Variants in AUTS2 observed in about 807,000 individuals in gnomAD.
The protein encoded by AUTS2 is autism susceptibility gene 2 protein.
A neutral mutation model predicts 112.4 loss-of-function variants in AUTS2; 17 were observed. That is an observed-to-expected ratio of 0.15 (90% confidence interval 0.10 to 0.23). The LOEUF (loss-of-function observed/expected upper bound fraction) is 0.23. Among genes scored for constraint, AUTS2 ranks in the 10% least tolerant of loss-of-function variants. The pLI is 1.00. For missense variants in AUTS2, 1,510 were observed against 1,701.6 expected, an observed-to-expected ratio of 0.89 and a Z score of 1.98; for synonymous variants, 751 against 702.7, an observed-to-expected ratio of 1.07 and a Z score of -1.09.
At chr7:70,227,671 C>G (rs1198642202) in intron 4 of AUTS2, among the ~76,000 whole-genome samples, 1 of 152,026 alleles carries the variant, frequency 6.6e-6, no homozygotes, top group African/African-American at 2.4e-5. Context: ...ATCTTCTGAT[C>G]GCTCATGTGA....
At chr7:69,789,934 A>C (rs1469687026) in intron 1 of AUTS2, among the ~76,000 whole-genome samples, 4 of 151,470 alleles carry the variant, frequency 2.6e-5, no homozygotes, top group African/African-American at 7.2e-5. Flanking sequence ...TTGCTTAAAT[A>C]AATATCTTTT....
At position 69,946,799 on chromosome 7, in the gene AUTS2, A is replaced by T. The variant is rs141035698; in HGVS notation, c.522+47301A>T. Among the ~76,000 whole-genome samples the T allele has an allele frequency of 2.1e-3, 321 of 152,344 alleles. 2 individuals carry two copies. The highest frequency in any genetic ancestry group is 7.4e-3 in the African/African-American group (306 of 41,578). On this transcript the variant is annotated intron_variant, in intron 2 of 18. Coordinates refer to ENST00000342771, the MANE Select transcript of AUTS2 (RefSeq NM_015570.4). ...GTGACAGTGAAATAAGACGAAGTAT[A>T]TAAAGTGCTTTATGATGTCTTGAAT...
chr7:69,861,134 A>T (rs1431310763), intron 1 of AUTS2, among the ~76,000 whole-genome samples: 1 of 152,036 alleles, frequency 6.6e-6, no homozygotes, highest in Non-Finnish European at 1.5e-5. Flanking sequence ...CTAAAAAAGC[A>T]GGATTCAATA....
At chr7:70,179,780 A>AT (rs1809199342) in intron 4 of AUTS2, among the ~76,000 whole-genome samples, 1 of 152,034 alleles carries the variant, frequency 6.6e-6, no homozygotes, top group Non-Finnish European at 1.5e-5. Flanking sequence ...GCTTGGTATA[A>AT]CCTTCATTGC....
intron 1 of AUTS2, among the ~76,000 whole-genome samples, chr7:69,821,958 C>T (rs920366379): frequency 1.8e-4 from 27 of 146,992 alleles, no homozygotes; most frequent in African/African-American, 5.8e-4. Context: ...TTTTTGTTTT[C>T]CTTTAAAGGC....
intron 4 of AUTS2, among the ~76,000 whole-genome samples, chr7:70,347,351 C>A (rs778868491): frequency 2.0e-5 from 3 of 152,148 alleles, no homozygotes; most frequent in Non-Finnish European, 4.4e-5. Flanking sequence ...GTGTCTGTTT[C>A]TTCCATTAGA....
At chr7:70,741,664 C>T (rs112012405) in intron 6 of AUTS2, among the ~76,000 whole-genome samples, 1,702 of 149,962 alleles carry the variant, frequency 0.011, 26 homozygotes, top group African/African-American at 0.039. Context: ...GCACTCCAGC[C>T]TGAGCAACAA....
At chr7:69,748,986 G>T (rs1787625331) in intron 1 of AUTS2, among the ~76,000 whole-genome samples, 1 of 152,112 alleles carries the variant, frequency 6.6e-6, no homozygotes, top group Non-Finnish European at 1.5e-5. Context: ...GGTAGAAGGA[G>T]CATGGACTTG....
intron 5 of AUTS2, among the ~76,000 whole-genome samples, chr7:70,617,027 C>T (rs191551465): frequency 7.2e-5 from 11 of 152,258 alleles, no homozygotes; most frequent in Non-Finnish European, 1.3e-4. Flanking sequence ...GCTTGACTAG[C>T]AGTGCCTGAA....
intron 2 of AUTS2, among the ~76,000 whole-genome samples, chr7:69,998,036 A>G (rs1799025077): frequency 6.6e-6 from 1 of 152,148 alleles, no homozygotes. Flanking sequence ...TATTTATTTA[A>G]TAAATCCTGC....
At chr7:70,524,785 A>G (rs925636511) in intron 5 of AUTS2, among the ~76,000 whole-genome samples, 1 of 152,232 alleles carries the variant, frequency 6.6e-6, no homozygotes, top group Non-Finnish European at 1.5e-5. Flanking sequence ...TGATTGATTA[A>G]CATCAATAGG....
chr7:69,667,350 G>GTT (rs58991076), intron 1 of AUTS2, among the ~76,000 whole-genome samples: 40 of 134,422 alleles, frequency 3.0e-4, no homozygotes, highest in Non-Finnish European at 4.3e-4. Flanking sequence ...GTTTTGTTGT[G>GTT]TTTTTTTTTT....
At chr7:70,749,103 T>C (rs1432185861) in intron 6 of AUTS2, among the ~76,000 whole-genome samples, 1 of 152,194 alleles carries the variant, frequency 6.6e-6, no homozygotes, top group Non-Finnish European at 1.5e-5. Context: ...GCTCCTAATC[T>C]GGTGAACATC....
intron 3 of AUTS2, chr7:70,120,099 G>A (rs1055657200): frequency 6.6e-6 from 1 of 151,964 alleles, no homozygotes; most frequent in Non-Finnish European, 1.5e-5. Flanking sequence ...GACCACTCTA[G>A]CACACTGAGC....
intron 1 of AUTS2, among the ~76,000 whole-genome samples, chr7:69,730,692 G>A (rs1225326377): frequency 6.6e-6 from 1 of 152,188 alleles, no homozygotes; most frequent in Non-Finnish European, 1.5e-5. Flanking sequence ...AAGAACTTCA[G>A]TTGAAAGTGT....
chr7:70,537,452 C>T (rs1800368864), intron 5 of AUTS2, among the ~76,000 whole-genome samples: 1 of 152,198 alleles, frequency 6.6e-6, no homozygotes, highest in African/African-American at 2.4e-5. Flanking sequence ...AAGAGGGCCT[C>T]CTTTCCTGAG....
At chr7:69,781,666 C>G (rs916221997) in intron 1 of AUTS2, among the ~76,000 whole-genome samples, 2 of 152,204 alleles carry the variant, frequency 1.3e-5, no homozygotes, top group African/African-American at 4.8e-5. Flanking sequence ...CTTGAAGGCT[C>G]TTCTCCACAT....
At chr7:70,607,832 A>G (rs2129532232) in intron 5 of AUTS2, among the ~76,000 whole-genome samples, 1 of 152,364 alleles carries the variant, frequency 6.6e-6, no homozygotes, top group South Asian at 2.1e-4. Context: ...GTAGAAGTAA[A>G]ATTGTAGAAG....
intron 1 of AUTS2, among the ~76,000 whole-genome samples, chr7:69,784,432 A>G (rs1472881890): frequency 6.6e-6 from 1 of 152,112 alleles, no homozygotes; most frequent in African/African-American, 2.4e-5. Context: ...CCCGTCTGCC[A>G]TTTGCCTTTT....
Sources: gnomAD v4.1 joint callset for allele counts (sites outside exome capture counted in the v4.1 genomes callset) on GRCh38, gnomAD v4.1.1 for gene constraint, MANE v1.5 for transcripts, NCBI Gene and HGNC (gene_info 2026-07-23, HGNC 2026-07-21) for gene names.